The following HIF1A variants were observed in gnomAD, a reference collection of about 807,000 sequenced individuals.
The protein encoded by HIF1A is hypoxia inducible factor 1 subunit alpha.
A neutral mutation model predicts 92.7 loss-of-function variants in HIF1A; 24 were observed. The ratio of observed to expected loss-of-function variants is 0.26; its 90% CI spans 0.19 to 0.36. The LOEUF (loss-of-function observed/expected upper bound fraction) is 0.36, where lower values mean the gene tolerates loss of function less well. Ranked by LOEUF, HIF1A falls within the 10% of genes least tolerant of loss-of-function variation. The pLI is 1.00. For missense variants in HIF1A, 799 were observed against 998.5 expected (o/e 0.80, Z 2.69); for synonymous variants, 319 against 338.7 (o/e 0.94, Z 0.64).
chr14:61,714,487 T>C (rs1290264057), intron 1 of HIF1A, among the ~76,000 whole-genome samples: 1 of 152,186 alleles, frequency 6.6e-6, no homozygotes, highest in African/African-American at 2.4e-5. Flanking sequence ...TTAAAAACCT[T>C]GAGGATTAGA....
Position 61,740,869 on chromosome 14 carries a change from A to G in HIF1A, c.1774A>G (p.Ser592Gly). 1 of 1,614,198 alleles carries G rather than the reference A, an allele frequency of 6.2e-7. No homozygotes were observed. Among genetic ancestry groups the G allele is most frequent in the African/African-American group, 1.3e-5 (1 of 75,054 alleles). ...PLESSSASPE[S>G]ASPQSTVTVF... ...AGAAAGCAGTTCCGCAAGCCCTGAA[A>G]GCGCAAGTCCTCAAAGCACAGTTAC... is the stretch of plus-strand genomic sequence containing the variant. The change falls in exon 12 of 15, where the codon AGC (serine) becomes GGC (glycine). Residue 592 changes from serine (S) to glycine (G), a missense_variant. Physicochemically the swap from Ser to Gly is moderately conservative, Grantham distance 56 (BLOSUM62 0). Around this residue, in one of 2 missense-constraint regions of HIF1A, gnomAD observed 516 missense variants for 721.0 expected, o/e 0.72. Transcript: ENST00000337138.
rs2044607140 is a variant in HIF1A at position 61,734,077 on chromosome 14, TA to T, written c.881-59del. ...GATGAACATTCAGCATCTGTTCATT[TA>T]ATTGAAAATTCAAAGTTAAAATATT... On this transcript the variant is annotated intron_variant, in intron 7 of 14. Coordinates refer to ENST00000337138, the MANE Select transcript of HIF1A (RefSeq NM_001530.4). 5.2e-6 allele frequency: 6 copies of T among 1,144,388 alleles called. No individual in the cohort carries two copies. In the East Asian group the frequency reaches 1.6e-4, roughly 31 times the overall value. The allele number at this position is 1,144,388 out of a possible 1,614,324, so 70.9% of individuals were successfully genotyped here. A position where few individuals can be genotyped will look rare whatever the true frequency, so the allele number is the denominator to read the frequency against.
At chr14:61,742,459 T>C (rs887954858) in intron 12 of HIF1A, among the ~76,000 whole-genome samples, 1 of 152,150 alleles carries the variant, frequency 6.6e-6, no homozygotes, top group Non-Finnish European at 1.5e-5. Flanking sequence ...TCAGAAGTAC[T>C]TTACATTACT....
intron 8 of HIF1A, 54 bp downstream of exon 8, chr14:61,734,339 G>T: frequency 8.1e-7 from 1 of 1,231,652 alleles, no homozygotes; most frequent in Non-Finnish European, 1.2e-6. Flanking sequence ...AATTCTTTTT[G>T]GATACTCTGT....
At chr14:61,736,865 T>TA in intron 8 of HIF1A, 24 bp from the exon 9 acceptor site, 1 of 1,534,484 alleles carries the variant, frequency 6.5e-7, no homozygotes, top group Non-Finnish European at 9.0e-7. Context: ...ATTTGTGAAT[T>TA]ACCAATTTCT....
At chr14:61,701,848 C>T (rs1459570397) in intron 1 of HIF1A, among the ~76,000 whole-genome samples, 6 of 151,822 alleles carry the variant, frequency 4.0e-5, no homozygotes, top group Non-Finnish European at 4.4e-5. Flanking sequence ...ATTAGCCAGG[C>T]GTGGTGGCGG....
intron 8 of HIF1A, among the ~76,000 whole-genome samples, chr14:61,735,049 A>G (rs897359492): frequency 3.3e-5 from 5 of 152,088 alleles, no homozygotes; most frequent in African/African-American, 1.2e-4. Flanking sequence ...CATTTGATCT[A>G]TTTTACTAGA....
In HIF1A at chr14:61,738,156, A is replaced by G. The variant is rs749504078; in HGVS notation, c.1319A>G (p.Asn440Ser). The stretch of plus-strand genomic sequence containing the variant: ...AATGATGTAATGCTCCCCTCACCCA[A>G]CGAAAAATTACAGAATATAAATTTG... ...LYNDVMLPSPNEKLQNINLAM... is the reference protein window; with the variant it reads ...LYNDVMLPSPSEKLQNINLAM... Residue 440 changes from asparagine to serine, a missense_variant, in exon 10 of 15, where the codon AAC becomes AGC. By Grantham distance (46) the Asn-to-Ser change is conservative (BLOSUM62 1). Transcript: ENST00000337138. The G allele has an allele frequency of 5.0e-6, 8 of 1,614,008 alleles. No homozygotes were observed. Among genetic ancestry groups the G allele is most frequent in the Middle Eastern group, 1.7e-4 (1 of 6,058 alleles).
At position 61,744,820 on chromosome 14, in the gene HIF1A, A is replaced by G; in HGVS notation, c.2202+7A>G. On this transcript the variant is annotated splice_region_variant and intron_variant, in intron 13 of 14. Transcript: ENST00000337138. ...TTTTCAAGCAGTAGGAATTGTAAGT[A>G]TGAGTAGTAGGTTTTGCTTTTCTAG... 7.1e-7 allele frequency: 1 copy of G among 1,407,648 alleles called. No homozygotes were observed. Among genetic ancestry groups the G allele is most frequent in the Admixed American group, 1.7e-5 (1 of 58,462 alleles). The allele number at this position is 1,407,648 out of a possible 1,614,324, so 87.2% of individuals were successfully genotyped here. A position where few individuals can be genotyped will look rare whatever the true frequency, so the allele number is the denominator to read the frequency against.
intron 2 of HIF1A, among the ~76,000 whole-genome samples, chr14:61,720,974 G>C (rs1267892161): frequency 6.6e-6 from 1 of 152,106 alleles, no homozygotes; most frequent in African/African-American, 2.4e-5. Context: ...GGGCGCGGTG[G>C]CTCACGCCTG....
intron 4 of HIF1A, among the ~76,000 whole-genome samples, chr14:61,724,326 TACACACACACG>T (rs2044471431): frequency 1.1e-5 from 1 of 89,970 alleles, no homozygotes; most frequent in African/African-American, 3.2e-5. Context: ...CATCAACACC[TACACACACACG>T]ACACACACAC....
intron 7 of HIF1A, among the ~76,000 whole-genome samples, chr14:61,733,176 A>C (rs1157400844): frequency 6.6e-6 from 1 of 151,982 alleles, no homozygotes; most frequent in Non-Finnish European, 1.5e-5. Flanking sequence ...ACCCCCGCCT[A>C]CCGGGTTCAA....
At chr14:61,745,594 C>T (rs2044770700) in intron 13 of HIF1A, 97 bp from the exon 14 acceptor site, 3 of 940,668 alleles carry the variant, frequency 3.2e-6, no homozygotes, top group African/African-American at 1.7e-5. Flanking sequence ...TAAGAAACTG[C>T]CTATAATGTT....
In HIF1A at chr14:61,736,976, T is replaced by G; in HGVS notation, c.1116T>G (p.Thr372=). The change falls in exon 9 of 15, where the codon ACT becomes ACG. Residue 372 remains threonine, a synonymous_variant. Transcript: ENST00000337138. ...TTGAATCTTCAGATATGAAAATGAC[T>G]CAGCTATTCACCAAAGTTGAATCAG... The part of the protein sequence containing the change: ...KPVESSDMKM[T]QLFTKVESED... 6.2e-7 allele frequency: 1 copy of G among 1,613,858 alleles called. No individual in the cohort carries two copies. The highest frequency in any genetic ancestry group is 1.1e-5 in the South Asian group (1 of 91,088).
In HIF1A at chr14:61,721,841, T is replaced by C. The variant is rs774572404; in HGVS notation, c.457+18T>C. On this transcript the variant is annotated intron_variant, in intron 4 of 14. Transcript: ENST00000337138. Reference sequence around the variant, plus strand: ...CAGAAATGGTAAGAAAAGTCTGTTGTTTGATTTAATGTGACAGGTGGTTTT... The same window carrying C: ...CAGAAATGGTAAGAAAAGTCTGTTGCTTGATTTAATGTGACAGGTGGTTTT... 2.6e-6 allele frequency: 4 copies of C among 1,561,784 alleles called. No individual in the cohort carries two copies. Among genetic ancestry groups the C allele is most frequent in the Non-Finnish European group, 3.5e-6 (4 of 1,132,974 alleles).
intron 4 of HIF1A, 109 bp downstream of exon 4, chr14:61,721,932 T>C: frequency 1.4e-6 from 1 of 694,244 alleles, no homozygotes; most frequent in Non-Finnish European, 2.5e-6. Context: ...CAAAATGTTA[T>C]TTCATGTTTA....
At chr14:61,743,071 AATTT>A (rs919420220) in intron 12 of HIF1A, among the ~76,000 whole-genome samples, 5 of 151,930 alleles carry the variant, frequency 3.3e-5, no homozygotes, top group Non-Finnish European at 7.4e-5. Context: ...TCACTTTAGC[AATTT>A]ATTTTTGAGA....
intron 1 of HIF1A, among the ~76,000 whole-genome samples, chr14:61,707,142 G>A (rs1016601664): frequency 4.6e-5 from 7 of 152,190 alleles, no homozygotes; most frequent in South Asian, 2.1e-4. Flanking sequence ...TGAAGAACAC[G>A]TTAAGTATCT....
intron 4 of HIF1A, among the ~76,000 whole-genome samples, chr14:61,723,719 T>TA (rs778063546): frequency 6.6e-6 from 1 of 152,220 alleles, no homozygotes; most frequent in Non-Finnish European, 1.5e-5. Flanking sequence ...GGCTAGACTA[T>TA]AAATGGATGG....
Sources: gnomAD v4.1 joint callset for allele counts (sites outside exome capture counted in the v4.1 genomes callset) on GRCh38, gnomAD v4.1.1 for gene constraint, gnomAD v4.1.1 regional missense constraint, MANE v1.5 for transcripts, NCBI Gene and HGNC (gene_info 2026-07-23, HGNC 2026-07-21) for gene names.